Variants in TRAK1 observed in about 807,000 individuals in gnomAD.
TRAK1 encodes trafficking kinesin-binding protein 1.
Under a neutral mutation model 92.1 loss-of-function variants are expected in TRAK1, and 33 were observed. The observed-to-expected ratio is 0.36, with a 90% CI of 0.27 to 0.48. The LOEUF is 0.48. Ranked by LOEUF, TRAK1 falls within the 20% of genes least tolerant of loss-of-function variation. TRAK1 has a pLI of 0.99. For synonymous variants in TRAK1, 521 were observed against 517.3 expected (o/e 1.01, Z -0.10); for missense variants, 1,123 against 1,257.9 (o/e 0.89, Z 1.62).
chr3:42,201,882 G>A (rs77516703), intron 12 of TRAK1, among the ~76,000 whole-genome samples: 1,130 of 55,050 alleles, frequency 0.021, 4 homozygotes, highest in Middle Eastern at 0.048. Flanking sequence ...ACGGACAGAC[G>A]GACACACACA....
At chr3:42,150,245 C>T (rs1699810110) in intron 2 of TRAK1, among the ~76,000 whole-genome samples, 1 of 152,070 alleles carries the variant, frequency 6.6e-6, no homozygotes, top group Non-Finnish European at 1.5e-5. Flanking sequence ...GAGGGTGTGG[C>T]ACATTCCAAG....
In TRAK1 at chr3:42,223,895, T is replaced by C; in HGVS notation, c.*158T>C. 2 of 851,104 alleles carry C rather than the reference T, an allele frequency of 2.3e-6. No homozygotes were observed. The highest frequency in any genetic ancestry group is 2.7e-5 in the East Asian group (1 of 37,494). 52.7% of individuals were successfully genotyped at this position (851,104 alleles called of 1,614,324 possible). Reference sequence around the variant, plus strand: ...TCAACCTCGTGCCTAATGGAGGAAGTGTGGAAACTTTGTAAAATGTGTACA... The same window carrying C: ...TCAACCTCGTGCCTAATGGAGGAAGCGTGGAAACTTTGTAAAATGTGTACA... On this transcript the variant is annotated 3_prime_UTR_variant, in exon 16 of 16. Coordinates refer to ENST00000327628, the MANE Select transcript of TRAK1 (RefSeq NM_001042646.3). This position sits in a 1 kb window ranked among gnomAD's most constrained non-coding sequence, Gnocchi z 6.1.
intron 1 of TRAK1, among the ~76,000 whole-genome samples, chr3:42,073,207 A>G (rs1459362938): frequency 6.6e-6 from 1 of 152,176 alleles, no homozygotes; most frequent in African/African-American, 2.4e-5. Context: ...GGAGTTCACA[A>G]GAGGCTCTGG....
At chr3:42,127,092 A>C (rs1710661738) in intron 2 of TRAK1, among the ~76,000 whole-genome samples, 1 of 152,218 alleles carries the variant, frequency 6.6e-6, no homozygotes, top group Admixed American at 6.5e-5. Flanking sequence ...CAACGTCTGT[A>C]CCACCAAGGA....
Position 42,164,115 on chromosome 3 carries a change from C to G in TRAK1, c.287-12699C>G, listed in dbSNP as rs75633875. On this transcript the variant is annotated intron_variant, in intron 2 of 15. Coordinates refer to ENST00000327628, the MANE Select transcript of TRAK1 (RefSeq NM_001042646.3). The stretch of plus-strand genomic sequence containing the variant: ...AAGCTGGGCAGGACCCCATTTTTCT[C>G]TGTCATGATCACACCACCTTTGTCC... Among the ~76,000 whole-genome samples the G allele has an allele frequency of 6.6e-3, 1,003 of 152,314 alleles. 6 individuals are homozygous for G. The highest frequency in any genetic ancestry group is 0.021 in the African/African-American group (878 of 41,550).
rs1420945716 is a variant in TRAK1 at position 42,209,843 on chromosome 3, G to A, written c.1821G>A (p.Val607=). The A allele has an allele frequency of 6.2e-7, 1 of 1,614,180 alleles. No individual in the cohort carries two copies. The highest frequency in any genetic ancestry group is 1.1e-5 in the South Asian group (1 of 91,086). ...LGGILDPRPG[V]VTKGFRTLDV... The stretch of plus-strand genomic sequence containing the variant: ...GCATCCTGGACCCCCGGCCCGGTGT[G>A]GTCACCAAGGGCTTCCGGACGCTGG... Residue 607 remains valine (V), a synonymous_variant, in exon 14 of 16, where the codon GTG becomes GTA. Transcript: ENST00000327628.
chr3:42,161,400 G>A (rs376863767), intron 2 of TRAK1, among the ~76,000 whole-genome samples: 3 of 151,562 alleles, frequency 2.0e-5, no homozygotes, highest in Non-Finnish European at 2.9e-5. Context: ...TTTTTGGGAC[G>A]GGGTCTCACT....
intron 2 of TRAK1, among the ~76,000 whole-genome samples, chr3:42,138,853 G>A (rs1378746389): frequency 6.7e-6 from 1 of 148,770 alleles, no homozygotes; most frequent in South Asian, 2.2e-4. Context: ...TTATGAGGTG[G>A]TGACCTAAAA....
At chr3:42,142,119 G>C (rs995784346) in intron 2 of TRAK1, among the ~76,000 whole-genome samples, 2 of 152,114 alleles carry the variant, frequency 1.3e-5, no homozygotes, top group Admixed American at 6.5e-5. Flanking sequence ...GTGACAGAGT[G>C]AGACTCTGTC....
At chr3:42,087,293 A>T (rs997740839), upstream of TRAK1, 2 of 152,784 alleles carry the variant, frequency 1.3e-5, no homozygotes, top group African/African-American at 4.8e-5. Flanking sequence ...GCATGCAACC[A>T]TGCAGTCCTA....
chr3:42,155,318 A>G (rs931957089), intron 2 of TRAK1, among the ~76,000 whole-genome samples: 1 of 152,200 alleles, frequency 6.6e-6, no homozygotes, highest in African/African-American at 2.4e-5. Flanking sequence ...GAGATTGTAC[A>G]GGAGACGGAG....
intron 1 of TRAK1, among the ~76,000 whole-genome samples, chr3:42,015,878 A>G (rs566782047): frequency 2.4e-4 from 36 of 152,192 alleles, no homozygotes; most frequent in African/African-American, 5.3e-4. Flanking sequence ...CTCTACTAAA[A>G]ATACAAAAAT....
chr3:42,161,751 G>T (rs976008775), intron 2 of TRAK1, among the ~76,000 whole-genome samples: 1 of 152,238 alleles, frequency 6.6e-6, no homozygotes, highest in African/African-American at 2.4e-5. Context: ...GGAGAAGCCA[G>T]GGGAGGGTGA....
intron 1 of TRAK1, among the ~76,000 whole-genome samples, chr3:42,099,111 G>GGC (rs1158969593): frequency 6.6e-6 from 1 of 152,122 alleles, no homozygotes; most frequent in African/African-American, 2.4e-5. Flanking sequence ...TGGCAGAAGT[G>GGC]GCATGTGATA....
intron 1 of TRAK1, among the ~76,000 whole-genome samples, chr3:42,018,876 C>G (rs1459153510): frequency 6.6e-6 from 1 of 152,214 alleles, no homozygotes; most frequent in African/African-American, 2.4e-5. Context: ...ATAATCCCAG[C>G]ACTTTGGGAG....
At chr3:42,082,179 G>C (rs137862161) in intron 1 of TRAK1, among the ~76,000 whole-genome samples, 1 of 152,130 alleles carries the variant, frequency 6.6e-6, no homozygotes, top group Middle Eastern at 3.2e-3. Context: ...TGGAAACATC[G>C]ATACTAGGAG....
chr3:42,024,829 C>T (rs1404243325), intron 1 of TRAK1, among the ~76,000 whole-genome samples: 1 of 152,152 alleles, frequency 6.6e-6, no homozygotes, highest in African/African-American at 2.4e-5. Context: ...TACGTCTTAC[C>T]ATAGCCATTT....
At chr3:42,038,254 G>C (rs1702397454) in intron 1 of TRAK1, among the ~76,000 whole-genome samples, 1 of 152,284 alleles carries the variant, frequency 6.6e-6, no homozygotes, top group African/African-American at 2.4e-5. Flanking sequence ...CTCTTTTCTA[G>C]GTGCAAGGGT....
intron 1 of TRAK1, among the ~76,000 whole-genome samples, chr3:42,097,281 G>A (rs1706076541): frequency 6.6e-6 from 1 of 152,224 alleles, no homozygotes; most frequent in African/African-American, 2.4e-5. Context: ...GTTGGGGATA[G>A]CCATGTTCCC....
Sources: gnomAD v4.1 joint callset for allele counts (sites outside exome capture counted in the v4.1 genomes callset) on GRCh38, gnomAD v4.1.1 for gene constraint, Gnocchi (gnomAD v3.1) non-coding constraint, MANE v1.5 for transcripts, NCBI Gene and HGNC (gene_info 2026-07-23, HGNC 2026-07-21) for gene names.